Variants in KSR2 observed in about 807,000 individuals in gnomAD.
KSR2 encodes kinase suppressor of ras 2.
KSR2 carries 25 observed loss-of-function variants against 107.8 expected under a neutral mutation model. The observed-to-expected ratio is 0.23, with a 90% CI of 0.17 to 0.32. KSR2 has a LOEUF of 0.32. Ranked by LOEUF, KSR2 falls within the 10% of genes least tolerant of loss-of-function variation. The pLI, the probability that KSR2 is intolerant of heterozygous loss-of-function variation, is 1.00. For missense variants in KSR2, 887 were observed against 1,268.9 expected, an observed-to-expected ratio of 0.70 and a Z score of 4.57; for synonymous variants, 480 against 507.0, an observed-to-expected ratio of 0.95 and a Z score of 0.71.
At chr12:117,485,015 G>A (rs561061440) in intron 15 of KSR2, among the ~76,000 whole-genome samples, 11 of 152,166 alleles carry the variant, frequency 7.2e-5, no homozygotes, top group Non-Finnish European at 1.6e-4. Flanking sequence ...TGGAGGCCTC[G>A]TTCAAGGGCA....
chr12:117,555,151 G>A lies in KSR2; in HGVS notation c.1518+18C>T, dbSNP rs1213026751. ...TGCCAGCCCCACATGCCGAGACCCA[G>A]GGGAAGCCCAGCCTTACCTTGTTGA... On this transcript the variant is annotated intron_variant, in intron 9 of 19. Transcript: ENST00000339824. 1.2e-6 allele frequency: 2 copies of A among 1,613,470 alleles called. No homozygotes were observed. Among genetic ancestry groups the A allele is most frequent in the Admixed American group, 3.3e-5 (2 of 59,984 alleles).
At chr12:117,955,198 T>G (rs1191101399) in intron 1 of KSR2, among the ~76,000 whole-genome samples, 2 of 151,980 alleles carry the variant, frequency 1.3e-5, no homozygotes, top group African/African-American at 4.8e-5. Context: ...CATGGCTCAC[T>G]GCAGCCTCAA....
In KSR2 at chr12:117,483,939, C is replaced by A. The variant is rs552354161; in HGVS notation, c.2450+477G>T. Among the ~76,000 whole-genome samples, 7 of 152,136 alleles carry A rather than the reference C, an allele frequency of 4.6e-5. 1 individual carries two copies. Among genetic ancestry groups the A allele is most frequent in the Non-Finnish European group, 1.0e-4 (7 of 68,034 alleles). ...AGACAAGGAAACTAAAGTTCAGAGACGTTGTTCGGCTTGATTAAAGTCGCA... is the reference window on the plus strand; with the variant it reads ...AGACAAGGAAACTAAAGTTCAGAGAAGTTGTTCGGCTTGATTAAAGTCGCA... On this transcript the variant is annotated intron_variant, in intron 16 of 19. Coordinates refer to ENST00000339824, the MANE Select transcript of KSR2 (RefSeq NM_173598.6).
intron 7 of KSR2, among the ~76,000 whole-genome samples, chr12:117,563,594 C>T (rs183674680): frequency 1.2e-4 from 19 of 152,220 alleles, no homozygotes; most frequent in Admixed American, 5.2e-4. Context: ...TCTCAAGCAG[C>T]GGCAGGTGCT....
intron 8 of KSR2, among the ~76,000 whole-genome samples, chr12:117,557,666 C>T (rs1877803968): frequency 6.6e-6 from 1 of 152,158 alleles, no homozygotes; most frequent in South Asian, 2.1e-4. Flanking sequence ...GCTGGTGGGA[C>T]TGAGTAATTA....
intron 4 of KSR2, chr12:117,677,245 A>C (rs1885171811): frequency 6.6e-6 from 1 of 152,174 alleles, no homozygotes; most frequent in Admixed American, 6.5e-5. Flanking sequence ...TCCTATGTTG[A>C]AGTCCTAACC....
chr12:117,905,487 ACACCTT>A (rs1399349700), intron 1 of KSR2, among the ~76,000 whole-genome samples: 2 of 152,186 alleles, frequency 1.3e-5, no homozygotes, highest in African/African-American at 4.8e-5. Context: ...ACATTCTGGG[ACACCTT>A]CACCTCTAGA....
chr12:117,637,376 G>A (rs75956942), intron 5 of KSR2, among the ~76,000 whole-genome samples: 1,857 of 152,044 alleles, frequency 0.012, 46 homozygotes, highest in African/African-American at 0.043. Flanking sequence ...GCCTGTAATG[G>A]TAGGTGCCAA....
chr12:117,554,637 T>C (rs775359991), intron 9 of KSR2, among the ~76,000 whole-genome samples: 1 of 152,150 alleles, frequency 6.6e-6, no homozygotes, highest in Non-Finnish European at 1.5e-5. Flanking sequence ...CAAGATATGA[T>C]GGTTTTATAA....
intron 9 of KSR2, among the ~76,000 whole-genome samples, chr12:117,547,122 T>A (rs563127269): frequency 1.3e-5 from 2 of 152,356 alleles, no homozygotes; most frequent in African/African-American, 4.8e-5. Context: ...TATTTAAACC[T>A]CTTGTTTTTG....
chr12:117,539,944 A>C, intron 9 of KSR2, 57 bp from the exon 10 acceptor site: 3 of 1,483,378 alleles, frequency 2.0e-6, no homozygotes, highest in Admixed American at 2.0e-5. Context: ...GAAACACAGC[A>C]GAAAGAGTGG....
chr12:117,789,546 G>A (rs548007077), intron 3 of KSR2, among the ~76,000 whole-genome samples: 2 of 152,312 alleles, frequency 1.3e-5, no homozygotes, highest in South Asian at 4.1e-4. Context: ...GTTGGCCAAG[G>A]TCACACGGTA....
chr12:117,952,984 CAAAAA>C (rs33941668), intron 1 of KSR2, among the ~76,000 whole-genome samples: 1 of 100,824 alleles, frequency 9.9e-6, no homozygotes, highest in Non-Finnish European at 1.9e-5. Context: ...GACTCCATCT[CAAAAA>C]AAAAAAAAAA....
chr12:117,858,914 G>C (rs557357887), intron 2 of KSR2, among the ~76,000 whole-genome samples: 119 of 152,288 alleles, frequency 7.8e-4, no homozygotes, highest in African/African-American at 2.8e-3. Context: ...ACAATGCCTG[G>C]CATGAAAGAT....
intron 1 of KSR2, among the ~76,000 whole-genome samples, chr12:117,899,179 A>G (rs1286778178): frequency 6.6e-6 from 1 of 152,188 alleles, no homozygotes; most frequent in Non-Finnish European, 1.5e-5. Context: ...CGTGAAATAA[A>G]CTGTAGATAA....
chr12:117,614,235 A>T (rs1208313860), intron 5 of KSR2, among the ~76,000 whole-genome samples: 9 of 152,228 alleles, frequency 5.9e-5, no homozygotes, highest in Non-Finnish European at 1.2e-4. Context: ...CTTAAAAAGG[A>T]TGTACCCAGA....
intron 1 of KSR2, among the ~76,000 whole-genome samples, chr12:117,957,508 C>T (rs892624176): frequency 1.3e-5 from 2 of 152,148 alleles, no homozygotes; most frequent in African/African-American, 4.8e-5. Flanking sequence ...GTCCCCACAC[C>T]CAGAGCAGCA....
At chr12:117,700,083 G>C (rs1426159953) in intron 4 of KSR2, among the ~76,000 whole-genome samples, 1 of 150,398 alleles carries the variant, frequency 6.6e-6, no homozygotes, top group Non-Finnish European at 1.5e-5. Flanking sequence ...GTTTCACCAT[G>C]TTGGCCAGGC....
At chr12:117,923,829 T>C (rs1296712748) in intron 1 of KSR2, among the ~76,000 whole-genome samples, 2 of 151,858 alleles carry the variant, frequency 1.3e-5, no homozygotes, top group Non-Finnish European at 2.9e-5. Context: ...TCAGTATTTG[T>C]AGTATTCTAT....
Sources: allele counts gnomAD v4.1 joint callset (sites outside exome capture counted in the v4.1 genomes callset), GRCh38; gene constraint gnomAD v4.1.1; transcripts MANE v1.5; gene names NCBI Gene and HGNC (gene_info 2026-07-23, HGNC 2026-07-21).